The following VSIR variants were observed in gnomAD, a reference collection of about 807,000 sequenced individuals.
VSIR encodes V-type immunoglobulin domain-containing suppressor of T-cell activation.
VSIR carries 10 observed loss-of-function variants against 31.0 expected under a neutral mutation model. The ratio of observed to expected loss-of-function variants is 0.32; its 90% CI spans 0.20 to 0.55. The LOEUF (loss-of-function observed/expected upper bound fraction) is 0.55, where lower values mean the gene tolerates loss of function less well. Among genes scored for constraint, VSIR ranks in the 20% least tolerant of loss-of-function variants. The pLI is 0.93. For missense variants in VSIR, 356 were observed against 416.2 expected, an observed-to-expected ratio of 0.86 and a Z score of 1.26; for synonymous variants, 179 against 180.1, an observed-to-expected ratio of 0.99 and a Z score of 0.05.
At chr10:71,753,088 A>C in intron 4 of VSIR, 86 bp from the exon 5 acceptor site, 1 of 1,509,640 alleles carries the variant, frequency 6.6e-7, no homozygotes, top group Non-Finnish European at 9.0e-7. Flanking sequence ...GATGCCCTGC[A>C]GGGAACAGGA....
chr10:71,764,339 G>A (rs1840475408), intron 1 of VSIR, among the ~76,000 whole-genome samples: 1 of 152,068 alleles, frequency 6.6e-6, no homozygotes, highest in Non-Finnish European at 1.5e-5. Flanking sequence ...GTAACTCACT[G>A]ATGATCACAC....
chr10:71,759,854 C>CACACACATAT (rs1554868480), intron 3 of VSIR, among the ~76,000 whole-genome samples: 1 of 109,198 alleles, frequency 9.2e-6, no homozygotes, highest in Non-Finnish European at 2.1e-5. Context: ...CACATATACA[C>CACACACATAT]ACACACACAC....
rs1404190394 is a variant in VSIR, at chr10:71,761,522, A to G, written c.511+76T>C. On this transcript the variant is annotated intron_variant, in intron 2 of 6. Transcript: ENST00000394957. ...TGCAGCCTCACACTCTGCCCAGCAC[A>G]GTGTCATGAATGGTCACACCATCAG... The G allele has an allele frequency of 2.1e-6, 3 of 1,440,980 alleles. No homozygotes were observed. In the Admixed American group the frequency reaches 7.2e-5, roughly 34 times the overall value. 89.3% of individuals were successfully genotyped at this position (1,440,980 alleles called of 1,614,324 possible).
At chr10:71,752,053 TC>T in intron 5 of VSIR, 192 bp from the exon 6 acceptor site, 1 of 726,296 alleles carries the variant, frequency 1.4e-6, no homozygotes, top group Non-Finnish European at 2.4e-6. Context: ...TGCCCACCTG[TC>T]CTGAGCTGAG....
In VSIR at chr10:71,751,363, T is replaced by C. The variant is rs1353343526; in HGVS notation, c.899-73A>G. On this transcript the variant is annotated intron_variant, in intron 6 of 6. Transcript: ENST00000394957. The surrounding 1 kb of genome is among the most constrained non-coding windows in gnomAD (Gnocchi z 4.9). Reference sequence around the variant, plus strand: ...CCCTCAACCCCACCCCGTGAGGCCGTGGAACTCTTCAGGGAGGTGAATGGG... The same window carrying C: ...CCCTCAACCCCACCCCGTGAGGCCGCGGAACTCTTCAGGGAGGTGAATGGG... 2.1e-6 allele frequency: 3 copies of C among 1,454,320 alleles called. No homozygotes were observed. Among genetic ancestry groups the C allele is most frequent in the Non-Finnish European group, 2.8e-6 (3 of 1,069,266 alleles). 90.1% of individuals were successfully genotyped at this position (1,454,320 alleles called of 1,614,324 possible).
chr10:71,768,418 G>A (rs144487838), intron 1 of VSIR, among the ~76,000 whole-genome samples: 1,969 of 152,152 alleles, frequency 0.013, 38 homozygotes, highest in East Asian at 0.082. Flanking sequence ...TGATCCACCC[G>A]CCTCGTCCTC....
rs1169805461 is a variant in VSIR at position 71,773,485 on chromosome 10, C to A, written c.-46G>T. 1.9e-6 allele frequency: 3 copies of A among 1,543,988 alleles called. No homozygotes were observed. The highest frequency in any genetic ancestry group is 2.4e-5 in the East Asian group (1 of 41,646). On this transcript the variant is annotated 5_prime_UTR_variant, in exon 1 of 7. Coordinates refer to ENST00000394957, the MANE Select transcript of VSIR (RefSeq NM_022153.2). ...GGAACTTCTGGTGCCGGGGAGCGGGCGGGACGCGGCCGGCGCGGGGAAGCC... is the reference window on the plus strand; with the variant it reads ...GGAACTTCTGGTGCCGGGGAGCGGGAGGGACGCGGCCGGCGCGGGGAAGCC...
intron 1 of VSIR, among the ~76,000 whole-genome samples, chr10:71,763,757 G>T (rs755969352): frequency 1.3e-5 from 2 of 152,258 alleles, no homozygotes; most frequent in Non-Finnish European, 2.9e-5. Context: ...TCGGCGCTTG[G>T]TACTTGGGAG....
Position 71,751,391 on chromosome 10 carries a change from C to A in VSIR, c.899-101G>T. On this transcript the variant is annotated intron_variant, in intron 6 of 6. Coordinates refer to ENST00000394957, the MANE Select transcript of VSIR (RefSeq NM_022153.2). This position sits in a 1 kb window ranked among gnomAD's most constrained non-coding sequence, Gnocchi z 4.9. ...AACTCTTCAGGGAGGTGAATGGGGG[C>A]CCCTCTGTCCCTCACCCTCAACCCC... 3.6e-6 allele frequency: 2 copies of A among 559,374 alleles called. No homozygotes were observed. Among genetic ancestry groups the A allele is most frequent in the South Asian group, 2.2e-5 (1 of 46,122 alleles). 34.7% of individuals were successfully genotyped at this position (559,374 alleles called of 1,614,324 possible).
intron 1 of VSIR, among the ~76,000 whole-genome samples, chr10:71,773,010 A>T (rs1840721297): frequency 6.6e-6 from 1 of 152,202 alleles, no homozygotes; most frequent in South Asian, 2.1e-4. Context: ...CCACCAGAAC[A>T]CACTGACCGC....
intron 1 of VSIR, among the ~76,000 whole-genome samples, chr10:71,768,317 C>A (rs979061022): frequency 1.1e-4 from 16 of 152,062 alleles, no homozygotes; most frequent in Non-Finnish European, 2.1e-4. Context: ...ACTACAGGCA[C>A]CCGCCACCAC....
At position 71,762,030 on chromosome 10, in the gene VSIR, C is replaced by T; in HGVS notation, c.83-4G>A. On this transcript the variant is annotated splice_region_variant and splice_polypyrimidine_tract_variant and intron_variant, in intron 1 of 6. Coordinates refer to ENST00000394957, the MANE Select transcript of VSIR (RefSeq NM_022153.2). ...ACCTTGAAGGCTGCCACCGGACCTG[C>T]TCAGAGAGAGGAGAGCCCTGTCACC... The T allele has an allele frequency of 6.3e-7, 1 of 1,589,054 alleles. No individual in the cohort carries two copies. The highest frequency in any genetic ancestry group is 8.6e-7 in the Non-Finnish European group (1 of 1,166,066).
Position 71,748,597 on chromosome 10 carries a change from G to A in VSIR, c.*2656C>T, listed in dbSNP as rs556024760. ...AATTCCTGATTGATCTCCTAACAAT[G>A]AATTAGTTCTTAAAAGCATGGATTT... On this transcript the variant is annotated 3_prime_UTR_variant, in exon 7 of 7. Coordinates refer to ENST00000394957, the MANE Select transcript of VSIR (RefSeq NM_022153.2). 5 of 152,394 alleles carry A rather than the reference G, an allele frequency of 3.3e-5. No homozygotes were observed. Among genetic ancestry groups the A allele is most frequent in the African/African-American group, 9.6e-5 (4 of 41,556 alleles). 9.4% of individuals were successfully genotyped at this position (152,394 alleles called of 1,614,324 possible).
At chr10:71,753,857 C>T (rs773944973) in intron 4 of VSIR, 42 of 456,478 alleles carry the variant, frequency 9.2e-5, no homozygotes, top group Non-Finnish European at 6.6e-5. Context: ...ATGGCTATTG[C>T]TTACAGCCGA....
intron 1 of VSIR, among the ~76,000 whole-genome samples, chr10:71,762,509 G>T (rs570622130): frequency 6.6e-5 from 10 of 152,246 alleles, no homozygotes; most frequent in Non-Finnish European, 1.5e-4. Flanking sequence ...GCAAGGCCTG[G>T]GCCAGGTGCT....
At chr10:71,764,779 A>G (rs1403952934) in intron 1 of VSIR, among the ~76,000 whole-genome samples, 1 of 152,144 alleles carries the variant, frequency 6.6e-6, no homozygotes, top group Non-Finnish European at 1.5e-5. Context: ...GCTAGCTGGC[A>G]TGGGACTCTA....
intron 1 of VSIR, among the ~76,000 whole-genome samples, chr10:71,764,998 T>C (rs1298852263): frequency 2.6e-5 from 4 of 152,224 alleles, no homozygotes; most frequent in African/African-American, 9.6e-5. Flanking sequence ...TGGCCTGGAC[T>C]TCCCCTTCAC....
Position 71,751,724 on chromosome 10 carries a change from T to A in VSIR, c.842A>T (p.Glu281Val), listed in dbSNP as rs1171568233. 6.3e-7 allele frequency: 1 copy of A among 1,582,786 alleles called. No homozygotes were observed. Among genetic ancestry groups the A allele is most frequent in the African/African-American group, 1.4e-5 (1 of 73,710 alleles). The change falls in exon 6 of 7, where the codon GAG (glutamate) becomes GTG (valine). Residue 281 changes from glutamate (E) to valine (V), a missense_variant. Physicochemically the swap from Glu to Val is moderately radical, Grantham distance 121 (BLOSUM62 -2). Transcript: ENST00000394957. This position sits in a 1 kb window ranked among gnomAD's most constrained non-coding sequence, Gnocchi z 4.9. ...TGGAGGAGACAGGGGGGTGCTGGGC[T>A]CCGAAAGCAGATGCCGCCCAGACTC... is the stretch of plus-strand genomic sequence containing the variant. ...PSESGRHLLS[E>V]PSTPLSPPGP... is the part of the protein sequence containing the mutation.
At chr10:71,767,363 C>T (rs1352665195) in intron 1 of VSIR, among the ~76,000 whole-genome samples, 1 of 152,206 alleles carries the variant, frequency 6.6e-6, no homozygotes, top group Non-Finnish European at 1.5e-5. Context: ...CTTGGTTAGT[C>T]GGGCCTAGGA....
Sources: allele counts gnomAD v4.1 joint callset (sites outside exome capture counted in the v4.1 genomes callset), GRCh38; gene constraint gnomAD v4.1.1; non-coding constraint Gnocchi (gnomAD v3.1); transcripts MANE v1.5; gene names NCBI Gene and HGNC (gene_info 2026-07-23, HGNC 2026-07-21).